Variants in LRMDA observed in about 807,000 individuals in gnomAD.
The protein encoded by LRMDA is leucine rich melanocyte differentiation associated.
LRMDA carries 18 observed loss-of-function variants against 29.8 expected under a neutral mutation model. The observed-to-expected ratio is 0.60, with a 90% CI of 0.42 to 0.90. The LOEUF is 0.90. LRMDA is among the 40% of genes least tolerant of loss of function. The pLI, the probability that LRMDA is intolerant of heterozygous loss-of-function variation, is 0.00. For missense variants in LRMDA, 273 were observed against 273.9 expected (o/e 1.00, Z 0.02); for synonymous variants, 125 against 109.4 (o/e 1.14, Z -0.89).
At chr10:76,238,136 A>G (rs1482462988) in intron 5 of LRMDA, among the ~76,000 whole-genome samples, 1 of 152,050 alleles carries the variant, frequency 6.6e-6, no homozygotes, top group African/African-American at 2.4e-5. Context: ...AGGTCTTTGT[A>G]TATCCTCTTC....
chr10:75,537,189 C>T (rs1045538436), intron 2 of LRMDA, among the ~76,000 whole-genome samples: 4 of 152,088 alleles, frequency 2.6e-5, no homozygotes, highest in African/African-American at 9.7e-5. Flanking sequence ...AAGGATTTTT[C>T]CACTTAGCTC....
At chr10:76,230,746 A>T (rs1467389549) in intron 5 of LRMDA, among the ~76,000 whole-genome samples, 1 of 152,238 alleles carries the variant, frequency 6.6e-6, no homozygotes. Context: ...CAAAGTGCTG[A>T]AATTTGCAGT....
rs34902461 is a variant in LRMDA, at chr10:75,728,426, CTGTGTGTGTGTGTGTG to C, written c.131+289962_131+289977del. 5.2e-3 allele frequency among the ~76,000 whole-genome samples: 716 copies of C among 138,286 alleles called. 5 individuals carry two copies. Among genetic ancestry groups the C allele is most frequent in the African/African-American group, 0.018 (674 of 36,978 alleles). The allele number at this position is 138,286 out of a possible 152,430, so 90.7% of individuals were successfully genotyped here. On this transcript the variant is annotated intron_variant, in intron 2 of 6. Transcript: ENST00000611255. Reference sequence around the variant, plus strand: ...TTAGTTCTGTGCTTGATACGTGGCTCTGTGTGTGTGTGTGTGTGTGTGTGTGTGTGTGTGTGTGTGT... The same window carrying C: ...TTAGTTCTGTGCTTGATACGTGGCTCTGTGTGTGTGTGTGTGTGTGTGTGT...
chr10:75,800,340 A>T (rs1335481060), intron 2 of LRMDA, among the ~76,000 whole-genome samples: 1 of 151,448 alleles, frequency 6.6e-6, no homozygotes, highest in Non-Finnish European at 1.5e-5. Context: ...ATTTTATCCT[A>T]TTACTTTCAA....
At chr10:76,424,623 A>G (rs575563759) in intron 6 of LRMDA, among the ~76,000 whole-genome samples, 1 of 152,354 alleles carries the variant, frequency 6.6e-6, no homozygotes, top group South Asian at 2.1e-4. Flanking sequence ...GTTTGCAAAA[A>G]TATCTTCACT....
At chr10:76,128,231 A>C (rs999730395) in intron 5 of LRMDA, among the ~76,000 whole-genome samples, 2 of 152,180 alleles carry the variant, frequency 1.3e-5, no homozygotes, top group Non-Finnish European at 2.9e-5. Context: ...GGAGAAGCAG[A>C]AGGTGTGTGT....
intron 4 of LRMDA, among the ~76,000 whole-genome samples, chr10:76,057,329 C>T (rs1434341004): frequency 6.6e-6 from 1 of 152,186 alleles, no homozygotes; most frequent in Non-Finnish European, 1.5e-5. Context: ...GTTGTAATCA[C>T]ATCTGTATCC....
intron 5 of LRMDA, among the ~76,000 whole-genome samples, chr10:76,093,534 T>C (rs774372415): frequency 3.3e-5 from 5 of 152,158 alleles, no homozygotes; most frequent in Admixed American, 6.6e-5. Context: ...TCAAGCCTTG[T>C]CGAATGTTGT....
Position 75,653,533 on chromosome 10 carries a change from A to G in LRMDA, c.131+215039A>G, listed in dbSNP as rs554694479. Among the ~76,000 whole-genome samples the G allele has an allele frequency of 3.3e-5, 5 of 152,302 alleles. No homozygotes were observed. In the South Asian group the frequency reaches 6.2e-4, roughly 19 times the overall value. ...AGTGAGAGAGAGTTGCAGGGTAACA[A>G]TGTAAATATCCAGTTGAATACAATA... On this transcript the variant is annotated intron_variant, in intron 2 of 6. Transcript: ENST00000611255.
intron 6 of LRMDA, among the ~76,000 whole-genome samples, chr10:76,430,305 A>G (rs1375104492): frequency 1.3e-5 from 2 of 152,182 alleles, no homozygotes; most frequent in Non-Finnish European, 2.9e-5. Flanking sequence ...CTGAGAACAC[A>G]CTGGAGCCCC....
intron 6 of LRMDA, among the ~76,000 whole-genome samples, chr10:76,355,186 A>C (rs55923744): frequency 6.6e-6 from 1 of 152,038 alleles, no homozygotes; most frequent in Non-Finnish European, 1.5e-5. Context: ...CACATTTTAC[A>C]TGGCAAGATA....
At chr10:76,223,122 G>A (rs551252703) in intron 5 of LRMDA, among the ~76,000 whole-genome samples, 2 of 151,780 alleles carry the variant, frequency 1.3e-5, no homozygotes, top group East Asian at 3.9e-4. Context: ...GTTGTGGGGT[G>A]GGGGGAGTGG....
intron 5 of LRMDA, among the ~76,000 whole-genome samples, chr10:76,161,448 C>G (rs1850645963): frequency 6.6e-6 from 1 of 152,184 alleles, no homozygotes; most frequent in Non-Finnish European, 1.5e-5. Context: ...TAGAGCCGGT[C>G]TTTCTTCTTC....
At chr10:75,907,281 G>A (rs571820981) in intron 2 of LRMDA, among the ~76,000 whole-genome samples, 7 of 152,280 alleles carry the variant, frequency 4.6e-5, no homozygotes, top group Non-Finnish European at 8.8e-5. Context: ...ATGTTTAATT[G>A]CAAGTTCAAT....
intron 2 of LRMDA, among the ~76,000 whole-genome samples, chr10:75,997,792 A>G (rs1847496054): frequency 6.6e-6 from 1 of 152,158 alleles, no homozygotes; most frequent in South Asian, 2.1e-4. Context: ...CTCTCTTCAC[A>G]GCCCCTATTT....
chr10:76,351,149 A>G (rs1841171675), intron 6 of LRMDA, among the ~76,000 whole-genome samples: 1 of 152,064 alleles, frequency 6.6e-6, no homozygotes. Context: ...AAAGAATGTG[A>G]TATGTCAGGG....
intron 5 of LRMDA, among the ~76,000 whole-genome samples, chr10:76,108,659 A>C (rs1849526361): frequency 6.6e-6 from 1 of 152,118 alleles, no homozygotes; most frequent in Admixed American, 6.5e-5. Context: ...AAATATTTTT[A>C]TTCTTCCAAA....
At chr10:75,565,299 A>G (rs1430524216) in intron 2 of LRMDA, among the ~76,000 whole-genome samples, 1 of 152,176 alleles carries the variant, frequency 6.6e-6, no homozygotes, top group Non-Finnish European at 1.5e-5. Context: ...ATTTAAAAGC[A>G]CCAAGGCAGT....
chr10:75,783,120 G>C, intron 2 of LRMDA: 1 of 1,351,920 alleles, frequency 7.4e-7, no homozygotes, highest in Non-Finnish European at 1.0e-6. Flanking sequence ...GGTAGGACTT[G>C]ATGAGCGAGA....
Sources: allele counts gnomAD v4.1 joint callset (sites outside exome capture counted in the v4.1 genomes callset), GRCh38; gene constraint gnomAD v4.1.1; transcripts MANE v1.5; gene names NCBI Gene and HGNC (gene_info 2026-07-23, HGNC 2026-07-21).